Variants in MTMR2 observed in about 807,000 individuals in gnomAD.
The protein encoded by MTMR2 is myotubularin related protein 2, also known as phosphatidylinositol-3,5-bisphosphate 3-phosphatase MTMR2.
In MTMR2, 55 loss-of-function variants were observed where a neutral mutation model predicts 86.9. That is an observed-to-expected ratio of 0.63 (90% CI 0.51 to 0.79). MTMR2 has a LOEUF of 0.79. Among genes scored for constraint, MTMR2 ranks in the 30% least tolerant of loss-of-function variants. The pLI is 0.00. For missense variants in MTMR2, 659 were observed against 772.3 expected (o/e 0.85, Z 1.74); for synonymous variants, 241 against 266.8 (o/e 0.90, Z 0.94).
chr11:95,865,612 A>G lies in MTMR2; in HGVS notation c.251T>C (p.Ile84Thr). ...EEPPLLPGEN[I>T]KDMAKDVTYI... Reference sequence around the variant, plus strand: ...ATACCATTACGGACCCATGTCTTTAATATTTTCTCCTGGAAGCAAGGGTGG... The same window carrying G: ...ATACCATTACGGACCCATGTCTTTAGTATTTTCTCCTGGAAGCAAGGGTGG... Residue 84 changes from isoleucine (I) to threonine (T), a missense_variant, in exon 3 of 15, where the codon ATT (isoleucine) becomes ACT (threonine). This residue lies in a region of MTMR2 where 387 missense variants were observed against 526.3 expected (regional missense o/e 0.74). Coordinates refer to ENST00000346299, the MANE Select transcript of MTMR2 (RefSeq NM_016156.6). The G allele has an allele frequency of 1.2e-6, 2 of 1,613,620 alleles. No homozygotes were observed. The highest frequency in any genetic ancestry group is 1.7e-6 in the Non-Finnish European group (2 of 1,179,546).
intron 1 of MTMR2, among the ~76,000 whole-genome samples, chr11:95,895,766 G>C (rs1455271408): frequency 1.3e-5 from 2 of 151,718 alleles, no homozygotes; most frequent in African/African-American, 2.4e-5. Flanking sequence ...AAACCCAAGA[G>C]AAATGAAAAT....
intron 1 of MTMR2, among the ~76,000 whole-genome samples, chr11:95,900,275 G>A (rs2135577943): frequency 6.6e-6 from 1 of 152,226 alleles, no homozygotes; most frequent in South Asian, 2.1e-4. Context: ...CTATGGAGAG[G>A]TTACAGCTAG....
intron 1 of MTMR2, among the ~76,000 whole-genome samples, chr11:95,895,187 G>A (rs143111167): frequency 2.6e-5 from 4 of 151,834 alleles, no homozygotes; most frequent in African/African-American, 9.6e-5. Flanking sequence ...GAAGGAAATG[G>A]TAATAGTTAT....
intron 2 of MTMR2, among the ~76,000 whole-genome samples, chr11:95,867,424 G>C (rs1864656617): frequency 6.6e-6 from 1 of 152,090 alleles, no homozygotes; most frequent in South Asian, 2.1e-4. Flanking sequence ...AGAAACATGG[G>C]AGACACAATC....
intron 2 of MTMR2, among the ~76,000 whole-genome samples, chr11:95,867,527 C>T (rs1315455788): frequency 6.6e-6 from 1 of 152,180 alleles, no homozygotes; most frequent in Non-Finnish European, 1.5e-5. Context: ...TATATTCTCT[C>T]TGACCAGAAT....
intron 9 of MTMR2, among the ~76,000 whole-genome samples, chr11:95,849,259 C>T (rs890551759): frequency 1.3e-5 from 2 of 151,950 alleles, no homozygotes; most frequent in African/African-American, 4.8e-5. Flanking sequence ...CAGAAGAGGG[C>T]ACCACTAGTC....
intron 1 of MTMR2, among the ~76,000 whole-genome samples, chr11:95,893,914 T>C (rs1865795795): frequency 6.6e-6 from 1 of 152,186 alleles, no homozygotes; most frequent in Admixed American, 6.5e-5. Context: ...CAAAGTGATC[T>C]TTCCAAAACC....
chr11:95,862,214 C>A, intron 4 of MTMR2, 58 bp downstream of exon 4: 2 of 1,562,194 alleles, frequency 1.3e-6, no homozygotes, highest in Non-Finnish European at 1.8e-6. Context: ...CAGAAATGAA[C>A]AAAACTAGCT....
intron 2 of MTMR2, among the ~76,000 whole-genome samples, chr11:95,867,823 A>G (rs1864673629): frequency 6.6e-6 from 1 of 152,058 alleles, no homozygotes; most frequent in African/African-American, 2.4e-5. Flanking sequence ...CTAGAAAAAA[A>G]AAAAAAAGAC....
Position 95,836,283 on chromosome 11 carries a change from G to A in MTMR2, c.1635C>T (p.Asn545=), listed in dbSNP as rs746873563. ...KRTVSLWSYI[N]SQLEDFTNPL... is the part of the protein sequence containing the mutation. ...GATTAGTGAAGTCTTCCAGCTGGCT[G>A]TTTATGTAAGACCACAGTGACACAG... Residue 545 remains asparagine (N), a synonymous_variant, in exon 14 of 15, where the codon AAC becomes AAT. Transcript: ENST00000346299. 6.2e-7 allele frequency: 1 copy of A among 1,612,956 alleles called. No homozygotes were observed. Among genetic ancestry groups the A allele is most frequent in the South Asian group, 1.1e-5 (1 of 91,060 alleles).
At chr11:95,861,405 A>G (rs57938490) in intron 5 of MTMR2, among the ~76,000 whole-genome samples, 1,997 of 68,312 alleles carry the variant, frequency 0.029, 53 homozygotes, top group African/African-American at 0.082. Context: ...AAAGATGGTT[A>G]TTATTATTAT....
At chr11:95,907,016 G>A (rs1866303814) in intron 1 of MTMR2, among the ~76,000 whole-genome samples, 1 of 151,996 alleles carries the variant, frequency 6.6e-6, no homozygotes, top group South Asian at 2.1e-4. Flanking sequence ...ACCAAAATCA[G>A]AGCTGAACTG....
intron 3 of MTMR2, 64 bp downstream of exon 3, chr11:95,865,537 G>A: frequency 1.4e-6 from 2 of 1,402,806 alleles, no homozygotes; most frequent in Non-Finnish European, 2.0e-6. Context: ...TGTATGCTGA[G>A]AGTACTGAAC....
At chr11:95,894,600 A>C (rs1865819233) in intron 1 of MTMR2, among the ~76,000 whole-genome samples, 1 of 152,186 alleles carries the variant, frequency 6.6e-6, no homozygotes, top group South Asian at 2.1e-4. Flanking sequence ...AAGTATTAGA[A>C]AAATAAATAT....
At chr11:95,871,466 C>G (rs1440199720) in intron 2 of MTMR2, among the ~76,000 whole-genome samples, 7 of 152,216 alleles carry the variant, frequency 4.6e-5, no homozygotes, top group South Asian at 2.1e-4. Context: ...TTGTGGTTTT[C>G]ATTTGCATTT....
Position 95,924,034 on chromosome 11 carries a change from A to G in MTMR2, c.-80T>C, listed in dbSNP as rs1867046115. Reference sequence around the variant, plus strand: ...CGGGAGAAGCGGAGGGCGGAGTGCTACGGACCGGGGCCGCAGTCAGGCCAG... The same window carrying G: ...CGGGAGAAGCGGAGGGCGGAGTGCTGCGGACCGGGGCCGCAGTCAGGCCAG... On this transcript the variant is annotated 5_prime_UTR_variant, in exon 1 of 15. Transcript: ENST00000346299. The G allele has an allele frequency of 4.6e-6, 7 of 1,525,682 alleles. No individual in the cohort carries two copies. The highest frequency in any genetic ancestry group is 8.9e-7 in the Non-Finnish European group (1 of 1,125,868). The allele number at this position is 1,525,682 out of a possible 1,614,324, so 94.5% of individuals were successfully genotyped here.
Position 95,877,331 on chromosome 11 carries a change from C to CTTTTTTTTTTTTTTTTTTTTTTTTTTTT in MTMR2, c.186+10824_186+10825insAAAAAAAAAAAAAAAAAAAAAAAAAAAA, listed in dbSNP as rs1565368414. Among the ~76,000 whole-genome samples, 4 of 94,740 alleles carry CTTTTTTTTTTTTTTTTTTTTTTTTTTTT rather than the reference C, an allele frequency of 4.2e-5. 2 individuals carry two copies. The highest frequency in any genetic ancestry group is 2.0e-4 in the African/African-American group (4 of 20,150). The allele number at this position is 94,740 out of a possible 152,430, so 62.2% of individuals were successfully genotyped here. A position where few individuals can be genotyped will look rare whatever the true frequency, so the allele number is the denominator to read the frequency against. ...CATTCAAGATCAAGCACAGGGAAGC[C>CTTTTTTTTTTTTTTTTTTTTTTTTTTTT]CTTTTTTTTTTTTTTTTTTTTTTTT... On this transcript the variant is annotated intron_variant, in intron 2 of 14. Transcript: ENST00000346299.
intron 3 of MTMR2, among the ~76,000 whole-genome samples, chr11:95,865,268 A>C (rs1864570180): frequency 6.6e-6 from 1 of 152,180 alleles, no homozygotes; most frequent in African/African-American, 2.4e-5. Context: ...ATATCTGAAT[A>C]TAGTAATTCA....
rs1294401339 is a variant in MTMR2, at chr11:95,903,334, C to T, written c.81-15073G>A. On this transcript the variant is annotated intron_variant, in intron 1 of 14. Transcript: ENST00000346299. ...TTTCATGTTCTCACTTCTCGCTTTT[C>T]CCAGCTTTTAAAACTCCATGCCTGT... Among the ~76,000 whole-genome samples the T allele has an allele frequency of 4.6e-5, 7 of 152,182 alleles. No individual in the cohort carries two copies. The South Asian group carries it at 6.2e-4, about 14-fold the overall frequency.
Sources: allele counts gnomAD v4.1 joint callset (sites outside exome capture counted in the v4.1 genomes callset), GRCh38; gene constraint gnomAD v4.1.1; regional missense constraint gnomAD v4.1.1; transcripts MANE v1.5; gene names NCBI Gene and HGNC (gene_info 2026-07-23, HGNC 2026-07-21).